The following GP2 variants were observed in gnomAD, a reference collection of about 807,000 sequenced individuals.
GP2 encodes glycoprotein 2.
In GP2, 58 loss-of-function variants were observed where a neutral mutation model predicts 60.8. That is an observed-to-expected ratio of 0.95 (90% CI 0.77 to 1.19). GP2 has a LOEUF of 1.19. GP2 is among the 50% of genes most tolerant of loss of function. The pLI, the probability that GP2 is intolerant of heterozygous loss-of-function variation, is 0.00. For missense variants in GP2, 647 were observed against 667.4 expected (o/e 0.97, Z 0.34); for synonymous variants, 280 against 253.4 (o/e 1.10, Z -1.00).
At chr16:20,312,856 G>T (rs562171476) in intron 10 of GP2, among the ~76,000 whole-genome samples, 1 of 152,106 alleles carries the variant, frequency 6.6e-6, no homozygotes, top group East Asian at 1.9e-4. Flanking sequence ...CTCCATGTTG[G>T]TCAGGCTGGT....
At chr16:20,321,882 A>T (rs1373022213) in intron 4 of GP2, among the ~76,000 whole-genome samples, 3 of 152,198 alleles carry the variant, frequency 2.0e-5, no homozygotes, top group Non-Finnish European at 2.9e-5. Context: ...GTCAGCTGAG[A>T]CTGTCCTTGG....
chr16:20,314,936 T>A (rs1241198187), intron 9 of GP2, among the ~76,000 whole-genome samples: 8 of 152,310 alleles, frequency 5.3e-5, no homozygotes, highest in Middle Eastern at 6.8e-3. Context: ...CATCCCCATT[T>A]GACAGATGAG....
rs539909863 is a variant in GP2, at chr16:20,323,489, C to G, written c.535+327G>C. 158 of 615,962 alleles carry G rather than the reference C, an allele frequency of 2.6e-4. No homozygotes were observed. The East Asian group carries it at 4.6e-3, about 18-fold the overall frequency. 38.2% of individuals were successfully genotyped at this position (615,962 alleles called of 1,614,324 possible). A position where few individuals can be genotyped will look rare whatever the true frequency, so the allele number is the denominator to read the frequency against. On this transcript the variant is annotated intron_variant, in intron 3 of 10. Coordinates refer to ENST00000302555, the MANE Select transcript of GP2 (RefSeq NM_001502.4). ...ATTAGCTGTTATTTTTGCTGTACCC[C>G]CCCCCCCTTTTTTTCAGATCAGAAC...
intron 4 of GP2, among the ~76,000 whole-genome samples, chr16:20,321,629 G>A (rs1054044737): frequency 3.3e-5 from 5 of 152,126 alleles, no homozygotes; most frequent in Non-Finnish European, 5.9e-5. Flanking sequence ...GCAAGTGAAC[G>A]CATCCCAGGC....
Position 20,317,360 on chromosome 16 carries a change from A to C in GP2, c.1269T>G (p.Arg423=). The C allele has an allele frequency of 4.3e-6, 7 of 1,613,850 alleles. No homozygotes were observed. The highest frequency in any genetic ancestry group is 5.1e-6 in the Non-Finnish European group (6 of 1,179,798). ...FIIRNSCSNQ[R]DSTIHVEENG... ...TCTCCTCCACGTGGATGGTGGAATC[A>C]CGTTGATTTGAGCAGCTGGGAGGGT... The change falls in exon 8 of 11, where the codon CGT becomes CGG. Residue 423 remains arginine, a synonymous_variant. Transcript: ENST00000302555.
chr16:20,311,582 G>T (rs1963997349), intron 10 of GP2, among the ~76,000 whole-genome samples: 2 of 152,150 alleles, frequency 1.3e-5, no homozygotes, highest in African/African-American at 4.8e-5. Context: ...CCATTTCTAG[G>T]TCTGATCCTT....
chr16:20,324,200 G>A lies in GP2; in HGVS notation c.151C>T (p.Pro51Ser), dbSNP rs1394694034. 1 of 1,613,662 alleles carries A rather than the reference G, an allele frequency of 6.2e-7. No homozygotes were observed. Among genetic ancestry groups the A allele is most frequent in the Admixed American group, 1.7e-5 (1 of 60,028 alleles). The change falls in exon 3 of 11, where the codon CCT becomes TCT. Residue 51 changes from proline to serine, a missense_variant. Transcript: ENST00000302555. ...SYGLDLDCGAPGTPEAHVCFD... is the reference protein window; with the variant it reads ...SYGLDLDCGASGTPEAHVCFD... ...CAGACATGAGCCTCTGGGGTGCCAGGAGCTCCGCAGTCCAGGTCCAGCCCA... is the reference window on the plus strand; with the variant it reads ...CAGACATGAGCCTCTGGGGTGCCAGAAGCTCCGCAGTCCAGGTCCAGCCCA...
chr16:20,314,293 C>CT (rs142954363), intron 10 of GP2, among the ~76,000 whole-genome samples: 11,428 of 141,554 alleles, frequency 0.081, 1,497 homozygotes, highest in East Asian at 0.68. Context: ...AAATGAATTT[C>CT]TTTTTTTTTT....
Position 20,318,419 on chromosome 16 carries a change from A to G in GP2, c.1019T>C (p.Val340Ala), listed in dbSNP as rs746109755. ...GAACTCTCCATTCCCGTCCACACTGACGTTCAGGGAACTGAGAAAAAGAAA... is the reference window on the plus strand; with the variant it reads ...GAACTCTCCATTCCCGTCCACACTGGCGTTCAGGGAACTGAGAAAAAGAAA... ...ALQPIVSSLNVSVDGNGEFIV... is the reference protein window; with the variant it reads ...ALQPIVSSLNASVDGNGEFIV... The change falls in exon 7 of 11, where the codon GTC (valine) becomes GCC (alanine). Residue 340 changes from valine (V) to alanine (A), a missense_variant. Coordinates refer to ENST00000302555, the MANE Select transcript of GP2 (RefSeq NM_001502.4). The G allele has an allele frequency of 3.4e-5, 55 of 1,612,894 alleles. No homozygotes were observed. The highest frequency in any genetic ancestry group is 8.3e-5 in the Admixed American group (5 of 59,976).
At position 20,319,575 on chromosome 16, in the gene GP2, C is replaced by G. The variant is rs377568682; in HGVS notation, c.1007+45G>C. On this transcript the variant is annotated intron_variant, in intron 6 of 10. Transcript: ENST00000302555. ...TGCACTTGAAGTAAGTGTGATGTGA[C>G]TATTGCCAGGGTTATGGGTCAAAGG... The G allele has an allele frequency of 3.5e-5, 51 of 1,454,464 alleles. No individual in the cohort carries two copies. In the African/African-American group the frequency reaches 6.3e-4, roughly 18 times the overall value. 90.1% of individuals were successfully genotyped at this position (1,454,464 alleles called of 1,614,324 possible).
In GP2 at chr16:20,323,986, T is replaced by C; in HGVS notation, c.365A>G (p.Asn122Ser). Reference protein sequence around the residue: ...RCQTDAPMWLNGTHPALGDGI... With the variant: ...RCQTDAPMWLSGTHPALGDGI... The stretch of plus-strand genomic sequence containing the variant: ...ATCCCCAAGGGCAGGGTGGGTCCCA[T>C]TCAGCCACATGGGAGCGTCTGTCTG... Residue 122 changes from asparagine to serine, a missense_variant, in exon 3 of 11, where the codon AAT (asparagine) becomes AGT (serine). Asn to Ser is a conservative substitution (Grantham distance 46). Coordinates refer to ENST00000302555, the MANE Select transcript of GP2 (RefSeq NM_001502.4). 6.2e-7 allele frequency: 1 copy of C among 1,614,170 alleles called. No homozygotes were observed. Among genetic ancestry groups the C allele is most frequent in the African/African-American group, 1.3e-5 (1 of 75,054 alleles).
chr16:20,314,216 T>G (rs1426420782), intron 10 of GP2, among the ~76,000 whole-genome samples: 1 of 149,792 alleles, frequency 6.7e-6, no homozygotes, highest in Admixed American at 6.7e-5. Context: ...GTTCTGCTCA[T>G]GTATCCCAGA....
intron 3 of GP2, 59 bp downstream of exon 3, chr16:20,323,757 G>C: frequency 8.8e-7 from 1 of 1,138,846 alleles, no homozygotes; most frequent in South Asian, 1.5e-5. Context: ...TCACTCTACT[G>C]AGCCTGGGAG....
chr16:20,324,925 A>G (rs979500696), intron 2 of GP2, among the ~76,000 whole-genome samples: 2 of 152,180 alleles, frequency 1.3e-5, no homozygotes, highest in African/African-American at 4.8e-5. Context: ...AATGTTTAGG[A>G]GTATCCTTGA....
rs756675352 is a variant in GP2 at position 20,323,435 on chromosome 16, T to G, written c.535+381A>C. 69 of 717,598 alleles carry G rather than the reference T, an allele frequency of 9.6e-5. No homozygotes were observed. In the South Asian group the frequency reaches 1.0e-3, roughly 10 times the overall value. The allele number at this position is 717,598 out of a possible 1,614,324, so 44.5% of individuals were successfully genotyped here. A position where few individuals can be genotyped will look rare whatever the true frequency, so the allele number is the denominator to read the frequency against. ...GTTAATACATTTGAAGTACTTAGGATAGCAACAAGGACATTGTGAGCATTA... is the reference window on the plus strand; with the variant it reads ...GTTAATACATTTGAAGTACTTAGGAGAGCAACAAGGACATTGTGAGCATTA... On this transcript the variant is annotated intron_variant, in intron 3 of 10. Transcript: ENST00000302555.
chr16:20,317,425 G>A, intron 7 of GP2, 50 bp from the exon 8 acceptor site: 1 of 1,418,254 alleles, frequency 7.1e-7, no homozygotes, highest in South Asian at 1.2e-5. Context: ...CAGCAGTGGA[G>A]AAAATTAAAG....
Position 20,318,396 on chromosome 16 carries a change from A to T in GP2, c.1042T>A (p.Phe348Ile). Residue 348 changes from phenylalanine to isoleucine, a missense_variant, in exon 7 of 11, where the codon TTC becomes ATC. Physicochemically the swap from Phe to Ile is conservative, Grantham distance 21. Coordinates refer to ENST00000302555, the MANE Select transcript of GP2 (RefSeq NM_001502.4). Reference sequence around the variant, plus strand: ...TGGAAGAGGGCCATCCTGACAATGAACTCTCCATTCCCGTCCACACTGACG... The same window carrying T: ...TGGAAGAGGGCCATCCTGACAATGATCTCTCCATTCCCGTCCACACTGACG... ...LNVSVDGNGEFIVRMALFQDQ... is the reference protein window; with the variant it reads ...LNVSVDGNGEIIVRMALFQDQ... 1 of 1,613,178 alleles carries T rather than the reference A, an allele frequency of 6.2e-7. No individual in the cohort carries two copies. Among genetic ancestry groups the T allele is most frequent in the Non-Finnish European group, 8.5e-7 (1 of 1,179,158 alleles).
At chr16:20,326,050 C>A (rs766868002) in intron 2 of GP2, among the ~76,000 whole-genome samples, 1 of 152,176 alleles carries the variant, frequency 6.6e-6, no homozygotes, top group Non-Finnish European at 1.5e-5. Flanking sequence ...TTATGTATTT[C>A]TTGATCTTCT....
Position 20,326,456 on chromosome 16 carries a change from C to T in GP2, c.-25G>A, listed in dbSNP as rs1261701669. 2.5e-6 allele frequency: 4 copies of T among 1,612,524 alleles called. No homozygotes were observed. Among genetic ancestry groups the T allele is most frequent in the African/African-American group, 2.7e-5 (2 of 75,026 alleles). ...TGCAGGTCACTTTGCTGTATGCAGA[C>T]TTCCCATGCAGCTATGGGAAAGAAA... On this transcript the variant is annotated 5_prime_UTR_variant, in exon 2 of 11. Coordinates refer to ENST00000302555, the MANE Select transcript of GP2 (RefSeq NM_001502.4).
Sources: gnomAD v4.1 joint callset for allele counts (sites outside exome capture counted in the v4.1 genomes callset) on GRCh38, gnomAD v4.1.1 for gene constraint, MANE v1.5 for transcripts, NCBI Gene and HGNC (gene_info 2026-07-23, HGNC 2026-07-21) for gene names.